Variants in LDB2 observed in about 807,000 individuals in gnomAD.
LDB2 encodes the protein LIM domain-binding protein 2.
LDB2 carries 12 observed loss-of-function variants against 44.3 expected under a neutral mutation model. The ratio of observed to expected loss-of-function variants is 0.27; its 90% CI spans 0.17 to 0.44. LDB2 has a LOEUF of 0.44. Ranked by LOEUF, LDB2 falls within the 20% of genes least tolerant of loss-of-function variation. The pLI is 1.00. For synonymous variants in LDB2, 164 were observed against 174.8 expected (o/e 0.94, Z 0.49); for missense variants, 344 against 473.5 (o/e 0.73, Z 2.54).
chr4:16,631,129 A>T (rs560660989), intron 2 of LDB2, among the ~76,000 whole-genome samples: 55 of 152,346 alleles, frequency 3.6e-4, no homozygotes, highest in African/African-American at 1.2e-3. Flanking sequence ...AACAGAATAC[A>T]CATTATTCTC....
intron 2 of LDB2, among the ~76,000 whole-genome samples, chr4:16,754,062 G>A (rs572020970): frequency 9.2e-5 from 14 of 152,224 alleles, no homozygotes; most frequent in Admixed American, 2.6e-4. Context: ...ACAAGGTAGC[G>A]TTTTAGTAGT....
intron 2 of LDB2, among the ~76,000 whole-genome samples, chr4:16,706,351 A>T (rs1057220865): frequency 1.9e-4 from 29 of 152,174 alleles, no homozygotes; most frequent in African/African-American, 6.5e-4. Flanking sequence ...AGCCCGAGAG[A>T]GGTCCCTTGC....
At chr4:16,713,946 T>A (rs1200133933) in intron 2 of LDB2, among the ~76,000 whole-genome samples, 3 of 152,166 alleles carry the variant, frequency 2.0e-5, no homozygotes, top group Admixed American at 2.0e-4. Flanking sequence ...TCTGAGATCA[T>A]CAGAAATGAC....
At chr4:16,679,420 A>G (rs1041959822) in intron 2 of LDB2, among the ~76,000 whole-genome samples, 2 of 152,198 alleles carry the variant, frequency 1.3e-5, no homozygotes, top group Non-Finnish European at 2.9e-5. Flanking sequence ...ACGTTTTTCT[A>G]GCATTTACTA....
intron 1 of LDB2, among the ~76,000 whole-genome samples, chr4:16,848,468 T>C (rs1373448421): frequency 1.3e-5 from 2 of 152,206 alleles, no homozygotes; most frequent in Non-Finnish European, 2.9e-5. Flanking sequence ...GAAACATGAA[T>C]GTACACATGA....
chr4:16,755,528 TGAGAGAGAGAGAGACAGACAGACAGA>T (rs1561114503), intron 2 of LDB2, among the ~76,000 whole-genome samples: 2 of 135,010 alleles, frequency 1.5e-5, no homozygotes, highest in Non-Finnish European at 3.3e-5. Context: ...TGTGTGTATG[TGAGAGAGAGAGAGACAGACAGACAGA>T]GAGAGAGAGA....
chr4:16,720,598 C>T (rs556516075), intron 2 of LDB2, among the ~76,000 whole-genome samples: 7 of 152,226 alleles, frequency 4.6e-5, no homozygotes, highest in Admixed American at 1.3e-4. Flanking sequence ...TCATGGCAAC[C>T]ATCAATGTTC....
At chr4:16,720,114 T>A (rs1465138788) in intron 2 of LDB2, among the ~76,000 whole-genome samples, 1 of 152,098 alleles carries the variant, frequency 6.6e-6, no homozygotes, top group Non-Finnish European at 1.5e-5. Context: ...TGATGGTTGA[T>A]TTTATGTGCG....
intron 1 of LDB2, among the ~76,000 whole-genome samples, chr4:16,877,203 C>CT (rs1365858027): frequency 6.6e-6 from 1 of 152,222 alleles, no homozygotes; most frequent in Non-Finnish European, 1.5e-5. Flanking sequence ...GGGCAATACT[C>CT]TGACTTTCAA....
At position 16,898,386 on chromosome 4, in the gene LDB2, C is replaced by G; in HGVS notation, c.100G>C (p.Glu34Gln). The G allele has an allele frequency of 6.2e-7, 1 of 1,613,872 alleles. No individual in the cohort carries two copies. The highest frequency in any genetic ancestry group is 1.3e-5 in the African/African-American group (1 of 75,028). ...YMVQPEYRIY[E>Q]MNKRLQSRTE... is the part of the protein sequence containing the mutation. ...CGAGACTGCAGTCTCTTGTTCATCTCATAGATTCGGTACTCTGGCTGTACC... is the reference window on the plus strand; with the variant it reads ...CGAGACTGCAGTCTCTTGTTCATCTGATAGATTCGGTACTCTGGCTGTACC... The change falls in exon 1 of 8, where the codon GAG becomes CAG. Residue 34 changes from glutamate to glutamine, a missense_variant. Coordinates refer to ENST00000304523, the MANE Select transcript of LDB2 (RefSeq NM_001290.5).
intron 2 of LDB2, among the ~76,000 whole-genome samples, chr4:16,632,329 A>G (rs1455652392): frequency 6.6e-6 from 1 of 152,210 alleles, no homozygotes; most frequent in Non-Finnish European, 1.5e-5. Flanking sequence ...CCAATGACAA[A>G]AAACACGATT....
At chr4:16,557,819 G>A (rs1456829620) in intron 5 of LDB2, among the ~76,000 whole-genome samples, 1 of 152,222 alleles carries the variant, frequency 6.6e-6, no homozygotes, top group Non-Finnish European at 1.5e-5. Flanking sequence ...GCACCCCCCA[G>A]TAGGGGCAGA....
At chr4:16,613,347 G>A (rs934894389) in intron 2 of LDB2, among the ~76,000 whole-genome samples, 2 of 152,162 alleles carry the variant, frequency 1.3e-5, no homozygotes, top group African/African-American at 4.8e-5. Flanking sequence ...ACATAGTATT[G>A]GAAGTTCTGG....
At chr4:16,586,172 A>G (rs1000405862) in intron 4 of LDB2, among the ~76,000 whole-genome samples, 167 bp from the exon 5 acceptor site, 4 of 152,222 alleles carry the variant, frequency 2.6e-5, no homozygotes, top group Non-Finnish European at 5.9e-5. Context: ...ACACTTGCAT[A>G]TAACACTCAA....
intron 5 of LDB2, among the ~76,000 whole-genome samples, chr4:16,531,904 A>G (rs1730273042): frequency 1.3e-5 from 2 of 152,146 alleles, no homozygotes. Context: ...TTTTCCATGG[A>G]TGCTTTGCAG....
intron 2 of LDB2, among the ~76,000 whole-genome samples, chr4:16,712,213 A>G (rs1399704706): frequency 1.3e-5 from 2 of 152,200 alleles, no homozygotes; most frequent in Admixed American, 6.5e-5. Context: ...TAACTCAACA[A>G]TAAAAGGCAA....
chr4:16,779,547 G>A (rs1304844948), intron 1 of LDB2, among the ~76,000 whole-genome samples: 1 of 152,110 alleles, frequency 6.6e-6, no homozygotes, highest in Admixed American at 6.5e-5. Flanking sequence ...GGAAGGAGTG[G>A]GAAGACACGA....
At chr4:16,844,166 A>AGAATC (rs1487246564) in intron 1 of LDB2, among the ~76,000 whole-genome samples, 1 of 144,834 alleles carries the variant, frequency 6.9e-6, no homozygotes, top group African/African-American at 2.5e-5. Context: ...CTAAGGTGAG[A>AGAATC]GAATCGCGTA....
intron 2 of LDB2, among the ~76,000 whole-genome samples, chr4:16,746,868 G>C (rs908343218): frequency 1.3e-5 from 2 of 152,104 alleles, no homozygotes; most frequent in Non-Finnish European, 2.9e-5. Context: ...CGGGGAATGG[G>C]TCATCTTCTC....
Sources: allele counts gnomAD v4.1 joint callset (sites outside exome capture counted in the v4.1 genomes callset), GRCh38; gene constraint gnomAD v4.1.1; transcripts MANE v1.5; gene names NCBI Gene and HGNC (gene_info 2026-07-23, HGNC 2026-07-21).